Variants in FHIT observed in about 807,000 individuals in gnomAD.
FHIT encodes fragile histidine triad diadenosine triphosphatase, also known as bis(5'-adenosyl)-triphosphatase.
FHIT carries 19 observed loss-of-function variants against 17.9 expected under a neutral mutation model. The ratio of observed to expected loss-of-function variants is 1.06; its 90% confidence interval spans 0.74 to 1.56. FHIT has a LOEUF of 1.56. Ranked by LOEUF, FHIT falls within the 40% of genes most tolerant of loss-of-function variation. FHIT has a pLI of 0.00. For synonymous variants in FHIT, 81 were observed against 69.7 expected (o/e 1.16, Z -0.81); for missense variants, 248 against 189.2 (o/e 1.31, Z -1.82).
intron 7 of FHIT, among the ~76,000 whole-genome samples, chr3:59,980,116 CT>C (rs775417043): frequency 6.6e-6 from 1 of 152,158 alleles, no homozygotes; most frequent in Non-Finnish European, 1.5e-5. Context: ...TCTTTTCCCC[CT>C]CTCCCTCTTA....
At chr3:60,898,293 AT>A (rs1386457125) in intron 3 of FHIT, among the ~76,000 whole-genome samples, 1 of 152,244 alleles carries the variant, frequency 6.6e-6, no homozygotes, top group African/African-American at 2.4e-5. Flanking sequence ...TTTAAAAAAA[AT>A]ATCGTAAACA....
intron 3 of FHIT, among the ~76,000 whole-genome samples, chr3:60,826,629 G>A (rs1288750162): frequency 2.0e-5 from 3 of 152,132 alleles, no homozygotes; most frequent in Non-Finnish European, 4.4e-5. Flanking sequence ...CTGTCTCAGC[G>A]TGGAGGGCTG....
chr3:60,660,930 T>C (rs576815820), intron 4 of FHIT, among the ~76,000 whole-genome samples: 3 of 151,946 alleles, frequency 2.0e-5, no homozygotes, highest in Non-Finnish European at 2.9e-5. Flanking sequence ...TGACTTTTCA[T>C]TCCTTGTAGT....
intron 3 of FHIT, among the ~76,000 whole-genome samples, chr3:61,004,514 C>T (rs988645303): frequency 2.6e-5 from 4 of 152,054 alleles, no homozygotes; most frequent in Non-Finnish European, 5.9e-5. Context: ...TATCATCACA[C>T]GACATAAAGG....
chr3:61,063,189 G>A (rs975716185), intron 2 of FHIT, among the ~76,000 whole-genome samples: 1 of 148,150 alleles, frequency 6.7e-6, no homozygotes, highest in African/African-American at 2.5e-5. Flanking sequence ...CCGGGAGGCA[G>A]AGCTTGCAAT....
At chr3:60,492,202 T>C (rs1427815265) in intron 5 of FHIT, among the ~76,000 whole-genome samples, 1 of 152,196 alleles carries the variant, frequency 6.6e-6, no homozygotes, top group African/African-American at 2.4e-5. Context: ...TTTTACTATA[T>C]GATGCTTATG....
At chr3:59,867,155 T>G (rs543416060) in intron 8 of FHIT, among the ~76,000 whole-genome samples, 1 of 43,350 alleles carries the variant, frequency 2.3e-5, no homozygotes, top group Admixed American at 1.6e-4. Context: ...TGGCTCTAAT[T>G]ATCTTAATAA....
At chr3:59,968,924 T>C (rs902593092) in intron 7 of FHIT, among the ~76,000 whole-genome samples, 5 of 152,180 alleles carry the variant, frequency 3.3e-5, no homozygotes, top group African/African-American at 1.2e-4. Context: ...AGACCAAGAA[T>C]GCAACATTTC....
intron 3 of FHIT, among the ~76,000 whole-genome samples, chr3:60,847,981 CT>C (rs1702991911): frequency 6.6e-6 from 1 of 152,128 alleles, no homozygotes; most frequent in Non-Finnish European, 1.5e-5. Context: ...CAGTCACTTC[CT>C]TTTCCTCTTT....
chr3:60,102,755 T>C (rs1002500292), intron 5 of FHIT, among the ~76,000 whole-genome samples: 16 of 152,140 alleles, frequency 1.1e-4, no homozygotes, highest in African/African-American at 3.6e-4. Flanking sequence ...CCATTGTCAC[T>C]TACATCATTA....
intron 4 of FHIT, among the ~76,000 whole-genome samples, chr3:60,800,098 A>G (rs369969118): frequency 6.6e-6 from 1 of 152,148 alleles, no homozygotes; most frequent in Non-Finnish European, 1.5e-5. Flanking sequence ...GGGTCCCCCA[A>G]CTAATGATTT....
chr3:60,528,045 C>T (rs2035639330), intron 5 of FHIT, among the ~76,000 whole-genome samples: 1 of 152,238 alleles, frequency 6.6e-6, no homozygotes, highest in African/African-American at 2.4e-5. Flanking sequence ...GCAATCACAG[C>T]TTACTATAAC....
At chr3:60,614,820 G>GTTTTTTT (rs1191171215) in intron 4 of FHIT, among the ~76,000 whole-genome samples, 1 of 58,916 alleles carries the variant, frequency 1.7e-5, no homozygotes, top group African/African-American at 5.1e-5. Flanking sequence ...TTTTTTTTTT[G>GTTTTTTT]TTTTTTTTTT....
At chr3:60,115,264 G>A (rs890193926) in intron 5 of FHIT, among the ~76,000 whole-genome samples, 7 of 152,184 alleles carry the variant, frequency 4.6e-5, no homozygotes, top group African/African-American at 1.7e-4. Context: ...ATTGAAAAAA[G>A]TATTAAAGAC....
At chr3:60,193,236 G>A (rs944592568) in intron 5 of FHIT, among the ~76,000 whole-genome samples, 2 of 152,186 alleles carry the variant, frequency 1.3e-5, no homozygotes, top group Non-Finnish European at 2.9e-5. Flanking sequence ...TCACTGACCA[G>A]TTGCAGCAAC....
chr3:60,987,417 G>C (rs1212891006), intron 3 of FHIT, among the ~76,000 whole-genome samples: 1 of 152,202 alleles, frequency 6.6e-6, no homozygotes, highest in East Asian at 1.9e-4. Context: ...ACAATAGCAT[G>C]AGCAATCTGT....
chr3:60,737,236 T>C (rs2042152897), intron 4 of FHIT, among the ~76,000 whole-genome samples: 1 of 152,242 alleles, frequency 6.6e-6, no homozygotes, highest in Non-Finnish European at 1.5e-5. Context: ...ATGAGCCGGA[T>C]GCATTGTCTG....
chr3:59,972,957 C>A (rs985524875), intron 7 of FHIT, among the ~76,000 whole-genome samples: 1 of 152,058 alleles, frequency 6.6e-6, no homozygotes, highest in Non-Finnish European at 1.5e-5. Flanking sequence ...TCTTCCTCAA[C>A]CCCATTCTCA....
chr3:60,304,304 C>T (rs1317034461), intron 5 of FHIT, among the ~76,000 whole-genome samples: 1 of 152,046 alleles, frequency 6.6e-6, no homozygotes, highest in Non-Finnish European at 1.5e-5. Context: ...CCAATTGCAT[C>T]AGAAAGATTC....
Sources: allele counts gnomAD v4.1 joint callset (sites outside exome capture counted in the v4.1 genomes callset), GRCh38; gene constraint gnomAD v4.1.1; transcripts MANE v1.5; gene names NCBI Gene and HGNC (gene_info 2026-07-23, HGNC 2026-07-21).